PBX1: variants seen among roughly 807,000 people sequenced by gnomAD.
The protein encoded by PBX1 is PBX homeobox 1, also known as pre-B-cell leukemia transcription factor 1.
In PBX1, 6 loss-of-function variants were observed where a neutral mutation model predicts 53.4. That is an observed-to-expected ratio of 0.11 (90% CI 0.06 to 0.22). The LOEUF is 0.22. PBX1 is among the 10% of genes least tolerant of loss of function. The pLI is 1.00. For missense variants in PBX1, 251 were observed against 551.4 expected, an observed-to-expected ratio of 0.46 and a Z score of 5.46; for synonymous variants, 204 against 212.3, an observed-to-expected ratio of 0.96 and a Z score of 0.34.
chr1:164,600,074 C>G (rs769266281), intron 2 of PBX1, among the ~76,000 whole-genome samples: 3 of 152,056 alleles, frequency 2.0e-5, no homozygotes, highest in Non-Finnish European at 4.4e-5. Flanking sequence ...TATGGTGTTC[C>G]CATTTCCTAA....
chr1:164,757,811 T>TCCAA (rs1666611131), intron 2 of PBX1, among the ~76,000 whole-genome samples: 1 of 76,924 alleles, frequency 1.3e-5, no homozygotes, highest in African/African-American at 3.9e-5. Context: ...TAAAACTTTT[T>TCCAA]ATCAACCACC....
chr1:164,786,720 T>TGTGTGTGTGTGTGTGTGTGCGCGC (rs1357886882), intron 2 of PBX1, among the ~76,000 whole-genome samples: 4 of 116,296 alleles, frequency 3.4e-5, no homozygotes, highest in African/African-American at 1.4e-4. Context: ...TGTGTGTGTG[T>TGTGTGTGTGTGTGTGTGTGCGCGC]GCGCGCGCAC....
chr1:164,707,489 C>T (rs1428668091), intron 2 of PBX1, among the ~76,000 whole-genome samples: 2 of 150,946 alleles, frequency 1.3e-5, no homozygotes, highest in African/African-American at 2.4e-5. Context: ...CTGTCTCATA[C>T]AAGGCCCTGG....
In PBX1 at chr1:164,724,670, ATTTTTTTTTTTTTTTT is replaced by A. The variant is rs59042806; in HGVS notation, c.266-67800_266-67785del. Among the ~76,000 whole-genome samples the A allele has an allele frequency of 4.1e-3, 196 of 48,238 alleles. 3 individuals carry two copies. The highest frequency in any genetic ancestry group is 6.2e-3 in the Non-Finnish European group (145 of 23,366). The allele number at this position is 48,238 out of a possible 152,430, so 31.6% of individuals were successfully genotyped here. Reference sequence around the variant, plus strand: ...CAGATGCCCATTGCAATAGCTGCAGATTTTTTTTTTTTTTTTTTTTTTTTTTTTTTTTTTTTTTTAG... The same window carrying A: ...CAGATGCCCATTGCAATAGCTGCAGATTTTTTTTTTTTTTTTTTTTTTTAG... On this transcript the variant is annotated intron_variant, in intron 2 of 8. Coordinates refer to ENST00000420696, the MANE Select transcript of PBX1 (RefSeq NM_002585.4).
In PBX1 at chr1:164,847,690, A is replaced by T. The variant is rs1039367384; in HGVS notation, c.*1014A>T. 2 of 1,056,448 alleles carry T rather than the reference A, an allele frequency of 1.9e-6. No homozygotes were observed. Among genetic ancestry groups the T allele is most frequent in the Non-Finnish European group, 2.3e-6 (2 of 873,774 alleles). 65.4% of individuals were successfully genotyped at this position (1,056,448 alleles called of 1,614,324 possible). A position where few individuals can be genotyped will look rare whatever the true frequency, so the allele number is the denominator to read the frequency against. ...TCACTTTCCCGAGATGCCATATACA[A>T]TTACCTACATTAATAACTGTAGCAC... On this transcript the variant is annotated 3_prime_UTR_variant, in exon 9 of 9. Coordinates refer to ENST00000420696, the MANE Select transcript of PBX1 (RefSeq NM_002585.4).
chr1:164,711,825 A>C (rs1286514225), intron 2 of PBX1, among the ~76,000 whole-genome samples: 2 of 152,230 alleles, frequency 1.3e-5, no homozygotes, highest in African/African-American at 2.4e-5. Context: ...TCGTGTGCTG[A>C]AAGCCTGCCG....
chr1:164,621,026 G>A (rs911360583), intron 2 of PBX1, among the ~76,000 whole-genome samples: 1 of 150,824 alleles, frequency 6.6e-6, no homozygotes, highest in Non-Finnish European at 1.5e-5. Context: ...GTCTTGCTCT[G>A]TTGCCAAGCT....
chr1:164,876,292 G>C (rs970904268), intron 2 of PBX1, among the ~76,000 whole-genome samples: 9 of 151,940 alleles, frequency 5.9e-5, no homozygotes, highest in Non-Finnish European at 4.4e-5. Flanking sequence ...CTGTGAAGAT[G>C]AATGAGGTTC....
chr1:164,756,668 G>C lies in PBX1; in HGVS notation c.266-35826G>C, dbSNP rs568869329. ...CTACTTACTTGAGGAAAACTGATTTGAGAATATCTGGCATGTTTCTTAGCT... is the reference window on the plus strand; with the variant it reads ...CTACTTACTTGAGGAAAACTGATTTCAGAATATCTGGCATGTTTCTTAGCT... On this transcript the variant is annotated intron_variant, in intron 2 of 8. Coordinates refer to ENST00000420696, the MANE Select transcript of PBX1 (RefSeq NM_002585.4). Among the ~76,000 whole-genome samples the C allele has an allele frequency of 1.1e-3, 173 of 152,292 alleles. 4 individuals carry two copies. In the South Asian group the frequency reaches 0.035, roughly 31 times the overall value.
chr1:164,659,601 G>A (rs945336777), intron 2 of PBX1, among the ~76,000 whole-genome samples: 2 of 152,212 alleles, frequency 1.3e-5, no homozygotes, highest in African/African-American at 4.8e-5. Context: ...TTTTTGCTAT[G>A]TGAGTGGACA....
intron 2 of PBX1, among the ~76,000 whole-genome samples, chr1:164,874,714 G>A (rs1386383032): frequency 6.6e-6 from 1 of 152,032 alleles, no homozygotes; most frequent in African/African-American, 2.4e-5. Flanking sequence ...GGCTGGTCTC[G>A]AACTCCTGAC....
At chr1:164,868,315 G>A (rs1383209905) in intron 2 of PBX1, among the ~76,000 whole-genome samples, 1 of 152,274 alleles carries the variant, frequency 6.6e-6, no homozygotes, top group East Asian at 1.9e-4. Context: ...CCCTGACCAT[G>A]CTGTACATCT....
intron 2 of PBX1, among the ~76,000 whole-genome samples, chr1:164,732,045 A>T (rs1665019532): frequency 6.6e-6 from 1 of 152,102 alleles, no homozygotes; most frequent in Non-Finnish European, 1.5e-5. Flanking sequence ...GGCCCGGACA[A>T]CCTGGACAGT....
intron 2 of PBX1, among the ~76,000 whole-genome samples, chr1:164,664,566 A>G (rs1458212960): frequency 2.6e-5 from 4 of 152,236 alleles, no homozygotes; most frequent in Non-Finnish European, 5.9e-5. Flanking sequence ...CTCCTATCAT[A>G]TGAGACAAGT....
chr1:164,616,393 T>C (rs746143481), intron 2 of PBX1, among the ~76,000 whole-genome samples: 1 of 152,198 alleles, frequency 6.6e-6, no homozygotes, highest in Non-Finnish European at 1.5e-5. Flanking sequence ...ATCTATATAT[T>C]ATTGTGTTGG....
chr1:164,822,553 A>G (rs1670210186), intron 8 of PBX1, among the ~76,000 whole-genome samples: 2 of 152,206 alleles, frequency 1.3e-5, no homozygotes, highest in African/African-American at 4.8e-5. Flanking sequence ...ATGGAGATAT[A>G]ATGTCTGCAG....
In PBX1 at chr1:164,849,192, A is replaced by C. The variant is rs1295656208; in HGVS notation, c.*2516A>C. ...GAAGAGTGACTCCAGATGTGGCCTG[A>C]ATAATTGCCATGTTAAGTTAATGCA... is the stretch of plus-strand genomic sequence containing the variant. On this transcript the variant is annotated 3_prime_UTR_variant, in exon 9 of 9. Coordinates refer to ENST00000420696, the MANE Select transcript of PBX1 (RefSeq NM_002585.4). The C allele has an allele frequency of 2.1e-6, 3 of 1,439,198 alleles. No individual in the cohort carries two copies. Among genetic ancestry groups the C allele is most frequent in the Non-Finnish European group, 2.7e-6 (3 of 1,094,362 alleles). The allele number at this position is 1,439,198 out of a possible 1,614,324, so 89.2% of individuals were successfully genotyped here. A position where few individuals can be genotyped will look rare whatever the true frequency, so the allele number is the denominator to read the frequency against.
chr1:164,604,529 C>T (rs1656421626), intron 2 of PBX1, among the ~76,000 whole-genome samples: 1 of 152,220 alleles, frequency 6.6e-6, no homozygotes, highest in African/African-American at 2.4e-5. Flanking sequence ...CTACTGGTCA[C>T]AGGATCTAGT....
chr1:164,595,582 G>A (rs562672318), intron 2 of PBX1, among the ~76,000 whole-genome samples: 2 of 151,824 alleles, frequency 1.3e-5, no homozygotes, highest in South Asian at 2.1e-4. Context: ...CATTGTCAGC[G>A]CCTAGCTCAG....
Sources: allele counts gnomAD v4.1 joint callset (sites outside exome capture counted in the v4.1 genomes callset), GRCh38; gene constraint gnomAD v4.1.1; transcripts MANE v1.5; gene names NCBI Gene and HGNC (gene_info 2026-07-23, HGNC 2026-07-21).